The following UBTD1 variants were observed in gnomAD, a reference collection of about 807,000 sequenced individuals.
The protein encoded by UBTD1 is ubiquitin domain containing 1, also known as ubiquitin domain-containing protein 1.
UBTD1 carries 19 observed loss-of-function variants against 21.7 expected under a neutral mutation model. The ratio of observed to expected loss-of-function variants is 0.87; its 90% CI spans 0.61 to 1.28. UBTD1 has a LOEUF of 1.28. Among genes scored for constraint, UBTD1 ranks in the 50% most tolerant of loss-of-function variants. The probability of loss-of-function intolerance (pLI) is 0.00; values close to 1 mark genes in which losing one functional copy is unlikely to be tolerated. For missense variants in UBTD1, 282 were observed against 315.1 expected, an observed-to-expected ratio of 0.89 and a Z score of 0.80; for synonymous variants, 116 against 135.1, an observed-to-expected ratio of 0.86 and a Z score of 0.98.
In UBTD1 at chr10:97,570,064, T is replaced by C. The variant is rs139224339; in HGVS notation, c.299-74T>C. ...GGGGTTAGAGTTTCACCATATGAAT[T>C]TGGGGGGACCCAAACATTTAATCCA... On this transcript the variant is annotated intron_variant, in intron 2 of 2. Transcript: ENST00000370664. This position sits in a 1 kb window ranked among gnomAD's most constrained non-coding sequence, Gnocchi z 6.6. 313 of 1,522,714 alleles carry C rather than the reference T, an allele frequency of 2.1e-4. 1 individual carries two copies. The African/African-American group carries it at 3.6e-3, about 18-fold the overall frequency. The allele number at this position is 1,522,714 out of a possible 1,614,324, so 94.3% of individuals were successfully genotyped here.
Position 97,570,575 on chromosome 10 carries a change from C to T in UBTD1, c.*52C>T, listed in dbSNP as rs768524295. On this transcript the variant is annotated 3_prime_UTR_variant, in exon 3 of 3. Coordinates refer to ENST00000370664, the MANE Select transcript of UBTD1 (RefSeq NM_024954.5). This position sits in a 1 kb window ranked among gnomAD's most constrained non-coding sequence, Gnocchi z 6.6. ...CCCCGCCTGGAGCACTAGGCCCCCACCCTGCTGCTGCCTTCCAGTGCTGTC... is the reference window on the plus strand; with the variant it reads ...CCCCGCCTGGAGCACTAGGCCCCCATCCTGCTGCTGCCTTCCAGTGCTGTC... The T allele has an allele frequency of 6.5e-7, 1 of 1,537,530 alleles. No individual in the cohort carries two copies. Among genetic ancestry groups the T allele is most frequent in the Non-Finnish European group, 8.8e-7 (1 of 1,136,352 alleles).
intron 1 of UBTD1, among the ~76,000 whole-genome samples, chr10:97,562,423 G>A (rs746304811): frequency 1.3e-4 from 19 of 151,994 alleles, no homozygotes; most frequent in South Asian, 4.1e-4. Flanking sequence ...TGGCATTATC[G>A]TTAGTTCTTG....
intron 1 of UBTD1, among the ~76,000 whole-genome samples, chr10:97,513,537 G>A (rs2040430988): frequency 6.6e-6 from 1 of 152,138 alleles, no homozygotes; most frequent in African/African-American, 2.4e-5. Context: ...TTTGTAGAAG[G>A]GTTAGTGATT....
intron 1 of UBTD1, among the ~76,000 whole-genome samples, chr10:97,534,497 G>A (rs529248336): frequency 5.3e-5 from 8 of 151,872 alleles, no homozygotes; most frequent in Admixed American, 2.0e-4. Flanking sequence ...CTTTTACTGC[G>A]TTTCCCCCTA....
At chr10:97,563,221 G>T (rs775684827) in intron 1 of UBTD1, among the ~76,000 whole-genome samples, 9 of 152,306 alleles carry the variant, frequency 5.9e-5, no homozygotes, top group Non-Finnish European at 1.2e-4. Context: ...ATTAGAGAGT[G>T]TCCAAGGGGG....
intron 1 of UBTD1, among the ~76,000 whole-genome samples, chr10:97,553,969 G>T (rs972681998): frequency 6.6e-6 from 1 of 152,188 alleles, no homozygotes; most frequent in Non-Finnish European, 1.5e-5. Context: ...GTTGTGTAGC[G>T]GGGAGGGGAC....
intron 1 of UBTD1, among the ~76,000 whole-genome samples, chr10:97,542,374 C>T (rs984606016): frequency 6.6e-6 from 1 of 152,246 alleles, no homozygotes; most frequent in African/African-American, 2.4e-5. Context: ...AGGTTTTTCC[C>T]TTCTTTGTGC....
At position 97,561,381 on chromosome 10, in the gene UBTD1, G is replaced by A. The variant is rs527368159; in HGVS notation, c.71-6533G>A. Among the ~76,000 whole-genome samples, 6 of 152,156 alleles carry A rather than the reference G, an allele frequency of 3.9e-5. No homozygotes were observed. The East Asian group carries it at 9.6e-4, about 24-fold the overall frequency. On this transcript the variant is annotated intron_variant, in intron 1 of 2. Coordinates refer to ENST00000370664, the MANE Select transcript of UBTD1 (RefSeq NM_024954.5). Reference sequence around the variant, plus strand: ...TCAGACACCGAGTTGTAGAAGGAAGGGCTTTATTCAGCTGGGAGCATCTGC... The same window carrying A: ...TCAGACACCGAGTTGTAGAAGGAAGAGCTTTATTCAGCTGGGAGCATCTGC...
intron 1 of UBTD1, among the ~76,000 whole-genome samples, chr10:97,508,308 T>TTTTTG (rs1411014468): frequency 2.0e-5 from 3 of 152,140 alleles, no homozygotes; most frequent in East Asian, 1.9e-4. Context: ...AGAGAACGCT[T>TTTTTG]TTTTGTTTTG....
intron 1 of UBTD1, among the ~76,000 whole-genome samples, chr10:97,561,732 T>A (rs1430196378): frequency 6.6e-6 from 1 of 152,230 alleles, no homozygotes; most frequent in Non-Finnish European, 1.5e-5. Flanking sequence ...TTTTACTTCC[T>A]TGTTGTTTTT....
At chr10:97,529,445 T>C (rs2040515141) in intron 1 of UBTD1, among the ~76,000 whole-genome samples, 1 of 152,096 alleles carries the variant, frequency 6.6e-6, no homozygotes, top group South Asian at 2.1e-4. Context: ...CGAGCCGAGA[T>C]CACGCCGCTG....
In UBTD1 at chr10:97,570,037, T is replaced by C; in HGVS notation, c.299-101T>C. ...GCCCCATGTCCAAATACAGTCACAT[T>C]GGGGGTTAGAGTTTCACCATATGAA... On this transcript the variant is annotated intron_variant, in intron 2 of 2. Transcript: ENST00000370664. This position sits in a 1 kb window ranked among gnomAD's most constrained non-coding sequence, Gnocchi z 6.6. The C allele has an allele frequency of 6.8e-7, 1 of 1,467,784 alleles. No individual in the cohort carries two copies. The highest frequency in any genetic ancestry group is 1.3e-5 in the South Asian group (1 of 76,698). The allele number at this position is 1,467,784 out of a possible 1,614,324, so 90.9% of individuals were successfully genotyped here.
chr10:97,527,659 G>A (rs1252371963), intron 1 of UBTD1, among the ~76,000 whole-genome samples: 1 of 151,858 alleles, frequency 6.6e-6, no homozygotes, highest in Non-Finnish European at 1.5e-5. Context: ...GACTCTTAAC[G>A]AGCATGCTGC....
intron 1 of UBTD1, among the ~76,000 whole-genome samples, chr10:97,537,970 T>C (rs1291674190): frequency 6.6e-6 from 1 of 151,768 alleles, no homozygotes; most frequent in Non-Finnish European, 1.5e-5. Context: ...GGACTACAGG[T>C]GTGTGCCACC....
intron 1 of UBTD1, among the ~76,000 whole-genome samples, chr10:97,540,978 G>C (rs961364370): frequency 6.6e-6 from 1 of 152,190 alleles, no homozygotes; most frequent in Non-Finnish European, 1.5e-5. Context: ...TGTCAGCTGC[G>C]TGTGTGTCCA....
chr10:97,569,483 A>C (rs2040734563), intron 2 of UBTD1, among the ~76,000 whole-genome samples: 1 of 152,228 alleles, frequency 6.6e-6, no homozygotes. Flanking sequence ...ATGCCAGCTC[A>C]GGTCTTCCTG....
Position 97,567,946 on chromosome 10 carries a change from A to C in UBTD1, c.103A>C (p.Lys35Gln). The C allele has an allele frequency of 6.2e-7, 1 of 1,614,176 alleles. No homozygotes were observed. Among genetic ancestry groups the C allele is most frequent in the Non-Finnish European group, 8.5e-7 (1 of 1,180,044 alleles). Reference sequence around the variant, plus strand: ...TGAGCCCCTGAAGAAAGAGCGGCTTAAGTGGAAGAGCGACTACCCCATGAC... The same window carrying C: ...TGAGCCCCTGAAGAAAGAGCGGCTTCAGTGGAAGAGCGACTACCCCATGAC... ...RNEPLKKERL[K>Q]WKSDYPMTDG... The change falls in exon 2 of 3, where the codon AAG becomes CAG. Residue 35 changes from lysine (K) to glutamine (Q), a missense_variant. Physicochemically the swap from Lys to Gln is moderately conservative, Grantham distance 53. Transcript: ENST00000370664.
At position 97,568,009 on chromosome 10, in the gene UBTD1, G is replaced by A. The variant is rs2040726412; in HGVS notation, c.166G>A (p.Asp56Asn). The A allele has an allele frequency of 6.2e-7, 1 of 1,614,126 alleles. No individual in the cohort carries two copies. Among genetic ancestry groups the A allele is most frequent in the Non-Finnish European group, 8.5e-7 (1 of 1,180,036 alleles). ...GCGGAGCAAACGGGATGAGTTCTGG[G>A]ACACAGCGCCTGCCTTCGAGGGCCG... The part of the protein sequence containing the change: ...QLRSKRDEFW[D>N]TAPAFEGRKE... The change falls in exon 2 of 3, where the codon GAC (aspartate) becomes AAC (asparagine). Residue 56 changes from aspartate to asparagine, a missense_variant. Coordinates refer to ENST00000370664, the MANE Select transcript of UBTD1 (RefSeq NM_024954.5).
chr10:97,569,705 T>C (rs2040735679), intron 2 of UBTD1, among the ~76,000 whole-genome samples: 1 of 152,180 alleles, frequency 6.6e-6, no homozygotes, highest in Admixed American at 6.5e-5. Flanking sequence ...AGGACTCTGT[T>C]GCTGGCTTGC....
Sources: gnomAD v4.1 joint callset for allele counts (sites outside exome capture counted in the v4.1 genomes callset) on GRCh38, gnomAD v4.1.1 for gene constraint, Gnocchi (gnomAD v3.1) non-coding constraint, MANE v1.5 for transcripts, NCBI Gene and HGNC (gene_info 2026-07-23, HGNC 2026-07-21) for gene names.